The following TENM2 variants were observed in gnomAD, a reference collection of about 807,000 sequenced individuals.
TENM2 encodes the protein teneurin-2.
TENM2 carries 52 observed loss-of-function variants against 245.2 expected under a neutral mutation model. The observed-to-expected ratio is 0.21, with a 90% confidence interval of 0.17 to 0.27. The LOEUF (loss-of-function observed/expected upper bound fraction) is 0.27. Ranked by LOEUF, TENM2 falls within the 10% of genes least tolerant of loss-of-function variation. The pLI is 1.00. For synonymous variants in TENM2, 1,363 were observed against 1,438.9 expected, an observed-to-expected ratio of 0.95 and a Z score of 1.19; for missense variants, 3,046 against 3,666.8, an observed-to-expected ratio of 0.83 and a Z score of 4.37.
chr5:168,016,537 G>A (rs754519535), intron 5 of TENM2, among the ~76,000 whole-genome samples: 1 of 152,222 alleles, frequency 6.6e-6, no homozygotes, highest in African/African-American at 2.4e-5. Flanking sequence ...GAGCAAGAGT[G>A]GCTTCAAAGT....
chr5:167,072,822 C>A, the TENM2 span, among the ~76,000 whole-genome samples: 10 of 152,088 alleles, frequency 6.6e-5, no homozygotes, highest in African/African-American at 2.4e-5. Flanking sequence ...GCAAACTGTA[C>A]ATTTTAAGAT....
chr5:167,283,946 T>C (rs1456626419), upstream of TENM2, among the ~76,000 whole-genome samples: 1 of 152,064 alleles, frequency 6.6e-6, no homozygotes, highest in Non-Finnish European at 1.5e-5. Context: ...AGAGGTTCCT[T>C]CCCTTCAGCT....
chr5:167,135,951 T>C, the TENM2 span, among the ~76,000 whole-genome samples: 1 of 152,236 alleles, frequency 6.6e-6, no homozygotes, highest in Non-Finnish European at 1.5e-5. Context: ...CCTAGGTACA[T>C]AAGGATTCAC....
At chr5:167,360,535 G>A (rs1452879793) in intron 1 of TENM2, among the ~76,000 whole-genome samples, 1 of 151,946 alleles carries the variant, frequency 6.6e-6, no homozygotes, top group Non-Finnish European at 1.5e-5. Flanking sequence ...TTCTGCTCAT[G>A]GTATCCTCCA....
intron 2 of TENM2, among the ~76,000 whole-genome samples, chr5:167,387,213 G>A (rs1761486118): frequency 1.3e-5 from 2 of 152,042 alleles, no homozygotes; most frequent in South Asian, 4.2e-4. Flanking sequence ...CCTTGTAGAG[G>A]TCTTTCACCT....
At chr5:167,488,801 A>G (rs1768246105) in intron 2 of TENM2, among the ~76,000 whole-genome samples, 1 of 152,158 alleles carries the variant, frequency 6.6e-6, no homozygotes, top group African/African-American at 2.4e-5. Context: ...AAGTCTAATA[A>G]ATATCCCAAC....
intron 2 of TENM2, among the ~76,000 whole-genome samples, chr5:167,670,443 G>A (rs1349860520): frequency 6.6e-6 from 1 of 152,018 alleles, no homozygotes; most frequent in African/African-American, 2.4e-5. Flanking sequence ...CCTTTGGCCA[G>A]ATATTTATTC....
intron 25 of TENM2, among the ~76,000 whole-genome samples, chr5:168,243,496 G>T (rs959717401): frequency 3.3e-5 from 5 of 152,092 alleles, no homozygotes; most frequent in African/African-American, 1.2e-4. Context: ...ATAGGAATGA[G>T]GCTTCATATT....
chr5:168,200,201 G>A, intron 17 of TENM2, 70 bp downstream of exon 19: 2 of 1,405,418 alleles, frequency 1.4e-6, no homozygotes, highest in South Asian at 2.7e-5. Context: ...CATATTTATT[G>A]AGTTCCGAGG....
At chr5:168,050,650 G>C (rs1205132499) in intron 6 of TENM2, among the ~76,000 whole-genome samples, 1 of 152,150 alleles carries the variant, frequency 6.6e-6, no homozygotes, top group Non-Finnish European at 1.5e-5. Flanking sequence ...ATGGCACATC[G>C]ATAGAGATTT....
chr5:167,576,990 A>G (rs532277177), intron 2 of TENM2, among the ~76,000 whole-genome samples: 6 of 152,338 alleles, frequency 3.9e-5, no homozygotes, highest in Admixed American at 6.5e-5. Flanking sequence ...AGCAAAAGCT[A>G]TAAGGCTTGA....
At chr5:167,865,419 G>A (rs1186070100) in intron 2 of TENM2, among the ~76,000 whole-genome samples, 1 of 151,916 alleles carries the variant, frequency 6.6e-6, no homozygotes, top group Non-Finnish European at 1.5e-5. Flanking sequence ...GAGCACAGGC[G>A]CACACCACCG....
intron 2 of TENM2, among the ~76,000 whole-genome samples, chr5:167,827,002 G>A (rs1048668014): frequency 2.6e-5 from 4 of 152,348 alleles, no homozygotes; most frequent in East Asian, 3.9e-4. Context: ...AAGCCAGATT[G>A]CACCTTGCCC....
intron 2 of TENM2, among the ~76,000 whole-genome samples, chr5:167,538,762 G>A (rs1253419090): frequency 6.6e-6 from 1 of 152,166 alleles, no homozygotes; most frequent in Admixed American, 6.5e-5. Context: ...AACTTTCTGT[G>A]AGTAGGTAGA....
chr5:167,264,615 T>C, the TENM2 span, among the ~76,000 whole-genome samples: 69 of 152,192 alleles, frequency 4.5e-4, 1 homozygote, highest in Admixed American at 2.6e-4. Context: ...TGAATAGATA[T>C]ACTGCAATAT....
intron 2 of TENM2, among the ~76,000 whole-genome samples, chr5:167,515,964 T>C (rs1770356786): frequency 6.6e-6 from 1 of 152,164 alleles, no homozygotes; most frequent in South Asian, 2.1e-4. Context: ...TGATGAACTC[T>C]CTACCAGTCT....
At chr5:167,809,027 G>A (rs771667878) in intron 2 of TENM2, among the ~76,000 whole-genome samples, 1 of 152,144 alleles carries the variant, frequency 6.6e-6, no homozygotes, top group Non-Finnish European at 1.5e-5. Flanking sequence ...GAAGTCTTAA[G>A]TTGAACAAAG....
chr5:167,850,900 A>T (rs908803002), intron 2 of TENM2, among the ~76,000 whole-genome samples: 3 of 152,208 alleles, frequency 2.0e-5, no homozygotes, highest in Non-Finnish European at 4.4e-5. Context: ...AAGGTTTGGC[A>T]TTAAAAATGC....
chr5:167,181,333 C>T, the TENM2 span, among the ~76,000 whole-genome samples: 98 of 152,136 alleles, frequency 6.4e-4, no homozygotes, highest in Admixed American at 2.1e-3. Context: ...TTTTCTTCTT[C>T]CTTCTCACCC....
Sources: gnomAD v4.1 joint callset for allele counts (sites outside exome capture counted in the v4.1 genomes callset) on GRCh38, gnomAD v4.1.1 for gene constraint, MANE v1.5 for transcripts, NCBI Gene and HGNC (gene_info 2026-07-23, HGNC 2026-07-21) for gene names.